MAP3K5: variants seen among roughly 807,000 people sequenced by gnomAD.
MAP3K5 encodes mitogen-activated protein kinase kinase kinase 5.
In MAP3K5, 56 loss-of-function variants were observed where a neutral mutation model predicts 158.7. The observed-to-expected ratio is 0.35, with a 90% CI of 0.28 to 0.44. The LOEUF (loss-of-function observed/expected upper bound fraction) is 0.44. Among genes scored for constraint, MAP3K5 ranks in the 20% least tolerant of loss-of-function variants. The probability of loss-of-function intolerance (pLI) is 1.00; values close to 1 mark genes in which losing one functional copy is unlikely to be tolerated. For synonymous variants in MAP3K5, 579 were observed against 601.7 expected (o/e 0.96, Z 0.55); for missense variants, 1,294 against 1,674.8 (o/e 0.77, Z 3.97).
chr6:136,631,705 G>T (rs1031777215), intron 14 of MAP3K5, among the ~76,000 whole-genome samples: 5 of 151,798 alleles, frequency 3.3e-5, no homozygotes, highest in African/African-American at 1.2e-4. Flanking sequence ...AGTAATTGTG[G>T]TTTTTGCCAT....
Position 136,792,366 on chromosome 6 carries a change from T to C in MAP3K5, c.-209A>G. 1 of 1,000,434 alleles carries C rather than the reference T, an allele frequency of 1.0e-6. No homozygotes were observed. Among genetic ancestry groups the C allele is most frequent in the Non-Finnish European group, 1.2e-6 (1 of 841,480 alleles). The allele number at this position is 1,000,434 out of a possible 1,614,324, so 62.0% of individuals were successfully genotyped here. A position where few individuals can be genotyped will look rare whatever the true frequency, so the allele number is the denominator to read the frequency against. On this transcript the variant is annotated 5_prime_UTR_variant, in exon 1 of 30. Transcript: ENST00000359015. The surrounding 1 kb of genome is among the most constrained non-coding windows in gnomAD (Gnocchi z 5.7). ...CGGCGGCTCGCTCCTCCTCGGCGCC[T>C]CCGTGGCCGCGCCGCTCGCCCTCTG...
intron 1 of MAP3K5, among the ~76,000 whole-genome samples, chr6:136,725,793 T>C (rs1781942643): frequency 6.6e-6 from 1 of 152,220 alleles, no homozygotes; most frequent in Non-Finnish European, 1.5e-5. Flanking sequence ...AAAAGTTTTC[T>C]TTTATGGTTT....
In MAP3K5 at chr6:136,605,363, G is replaced by T; in HGVS notation, c.2525C>A (p.Thr842Asn). 6.2e-7 allele frequency: 1 copy of T among 1,605,848 alleles called. No homozygotes were observed. Among genetic ancestry groups the T allele is most frequent in the Non-Finnish European group, 8.5e-7 (1 of 1,177,230 alleles). The change falls in exon 19 of 30, where the codon ACC becomes AAC. Residue 842 changes from threonine (T) to asparagine (N), a missense_variant. By Grantham distance (65) the Thr-to-Asn change is moderately conservative. Coordinates refer to ENST00000359015, the MANE Select transcript of MAP3K5 (RefSeq NM_005923.4). ...INPCTETFTGTLQYMAPEIID... is the reference protein window; with the variant it reads ...INPCTETFTGNLQYMAPEIID... The stretch of plus-strand genomic sequence containing the variant: ...TATTTCTGGTGCCATATACTGGAGG[G>T]TACCTGGAAACAATTCAAACACATT...
chr6:136,753,764 G>A (rs1489039126), intron 1 of MAP3K5, among the ~76,000 whole-genome samples: 2 of 152,124 alleles, frequency 1.3e-5, no homozygotes, highest in Non-Finnish European at 2.9e-5. Flanking sequence ...TAATGCTAAG[G>A]CCTGTCTGAA....
intron 1 of MAP3K5, among the ~76,000 whole-genome samples, chr6:136,777,271 A>G (rs1354369450): frequency 6.6e-6 from 1 of 152,254 alleles, no homozygotes; most frequent in Non-Finnish European, 1.5e-5. Context: ...AGGCTCCTCT[A>G]GAGTATCTAC....
intron 1 of MAP3K5, among the ~76,000 whole-genome samples, chr6:136,773,877 G>A (rs1296395351): frequency 6.6e-6 from 1 of 151,938 alleles, no homozygotes; most frequent in Non-Finnish European, 1.5e-5. Flanking sequence ...CAAACACCTG[G>A]TCTCAAACAT....
At chr6:136,759,483 A>ATATATATATATATATATATAT (rs1562681271) in intron 1 of MAP3K5, among the ~76,000 whole-genome samples, 5 of 56,170 alleles carry the variant, frequency 8.9e-5, no homozygotes, top group African/African-American at 1.9e-4. Flanking sequence ...TATATATATA[A>ATATATATATATATATATATAT]AGTTTGAGAC....
chr6:136,781,949 C>T (rs1054636775), intron 1 of MAP3K5, among the ~76,000 whole-genome samples: 2 of 151,608 alleles, frequency 1.3e-5, no homozygotes, highest in Non-Finnish European at 2.9e-5. Flanking sequence ...GGCATGTTGG[C>T]TCATGCCAGT....
chr6:136,641,221 A>G (rs1777916280), intron 12 of MAP3K5, among the ~76,000 whole-genome samples: 1 of 152,192 alleles, frequency 6.6e-6, no homozygotes, highest in African/African-American at 2.4e-5. Flanking sequence ...GTTTCTGTTC[A>G]GATCATTCAT....
intron 14 of MAP3K5, among the ~76,000 whole-genome samples, chr6:136,631,519 CTT>C (rs921413089): frequency 2.9e-5 from 4 of 139,014 alleles, no homozygotes; most frequent in Non-Finnish European, 3.2e-5. Context: ...TTTTTTTTTT[CTT>C]TTTTTTTTTT....
intron 1 of MAP3K5, among the ~76,000 whole-genome samples, chr6:136,774,013 T>C (rs1784312465): frequency 1.3e-5 from 2 of 152,174 alleles, no homozygotes; most frequent in Admixed American, 1.3e-4. Context: ...CTTCTCTTTA[T>C]CCTACCCCTT....
At chr6:136,617,346 A>G (rs914480483) in intron 15 of MAP3K5, among the ~76,000 whole-genome samples, 17 of 152,228 alleles carry the variant, frequency 1.1e-4, no homozygotes, top group African/African-American at 4.1e-4. Flanking sequence ...CTTCTCAATT[A>G]CCTGTAACAA....
chr6:136,694,443 G>A (rs1047527262), intron 6 of MAP3K5, 133 bp from the exon 7 acceptor site: 2 of 718,550 alleles, frequency 2.8e-6, no homozygotes, highest in African/African-American at 3.6e-5. Flanking sequence ...TAGATTTTGA[G>A]AGTCCTCTGT....
chr6:136,732,685 T>A (rs1057217636), intron 1 of MAP3K5, among the ~76,000 whole-genome samples: 1 of 152,206 alleles, frequency 6.6e-6, no homozygotes, highest in African/African-American at 2.4e-5. Context: ...CGCCAATTTG[T>A]CTTCTTTTTC....
rs1320374245 is a variant in MAP3K5, at chr6:136,792,187, C to T, written c.-30G>A. ...CCGGGCCGGGCAGCAACGGCGGCGG[C>T]GTCCCCCGCCCAGCCGCACCGCCTG... On this transcript the variant is annotated 5_prime_UTR_variant, in exon 1 of 30. Transcript: ENST00000359015. The surrounding 1 kb of genome is among the most constrained non-coding windows in gnomAD (Gnocchi z 5.7). 2.6e-6 allele frequency: 4 copies of T among 1,525,988 alleles called. No individual in the cohort carries two copies. Among genetic ancestry groups the T allele is most frequent in the Admixed American group, 4.0e-5 (2 of 49,558 alleles). 94.5% of individuals were successfully genotyped at this position (1,525,988 alleles called of 1,614,324 possible). A position where few individuals can be genotyped will look rare whatever the true frequency, so the allele number is the denominator to read the frequency against.
At chr6:136,712,804 A>T (rs140219423) in intron 2 of MAP3K5, among the ~76,000 whole-genome samples, 2 of 152,146 alleles carry the variant, frequency 1.3e-5, no homozygotes, top group Non-Finnish European at 2.9e-5. Context: ...GTGGTAGTGA[A>T]TAAGTCTCAC....
intron 1 of MAP3K5, among the ~76,000 whole-genome samples, chr6:136,769,805 GAGGGAGGGGACGGGAGGGAGGGAGGGA>G (rs1784118187): frequency 1.8e-5 from 1 of 54,984 alleles, no homozygotes; most frequent in Admixed American, 1.9e-4. Context: ...GGGAGGGAGG[GAGGGAGGGGACGGGAGGGAGGGAGGGA>G]AGGGAGGGAG....
chr6:136,653,145 C>T (rs6904753), intron 10 of MAP3K5, among the ~76,000 whole-genome samples: 37,412 of 151,930 alleles, frequency 0.25, 5,329 homozygotes, highest in East Asian at 0.53. Context: ...TCCTCTTTCC[C>T]GACGTTAGAT....
intron 10 of MAP3K5, among the ~76,000 whole-genome samples, chr6:136,651,336 T>C (rs1778510911): frequency 6.6e-6 from 1 of 152,194 alleles, no homozygotes; most frequent in Non-Finnish European, 1.5e-5. Flanking sequence ...AGGTTAGAAA[T>C]AAATTTTTGA....
Sources: gnomAD v4.1 joint callset for allele counts (sites outside exome capture counted in the v4.1 genomes callset) on GRCh38, gnomAD v4.1.1 for gene constraint, Gnocchi (gnomAD v3.1) non-coding constraint, MANE v1.5 for transcripts, NCBI Gene and HGNC (gene_info 2026-07-23, HGNC 2026-07-21) for gene names.